Variants in ERAP1 observed in about 807,000 individuals in gnomAD.
ERAP1 encodes endoplasmic reticulum aminopeptidase 1.
A neutral mutation model predicts 103.7 loss-of-function variants in ERAP1; 86 were observed. The ratio of observed to expected loss-of-function variants is 0.83; its 90% CI spans 0.70 to 0.99. The LOEUF (loss-of-function observed/expected upper bound fraction) is 0.99. Among genes scored for constraint, ERAP1 ranks in the 50% least tolerant of loss-of-function variants. The probability of loss-of-function intolerance (pLI) is 0.00; values close to 1 mark genes in which losing one functional copy is unlikely to be tolerated. For synonymous variants in ERAP1, 398 were observed against 402.4 expected, an observed-to-expected ratio of 0.99 and a Z score of 0.13; for missense variants, 1,009 against 1,128.4, an observed-to-expected ratio of 0.89 and a Z score of 1.52.
the ERAP1 span, among the ~76,000 whole-genome samples, chr5:96,887,003 G>A: frequency 3.3e-5 from 5 of 149,976 alleles, no homozygotes; most frequent in African/African-American, 4.9e-5. Context: ...TTTTCTATAT[G>A]TATGTCAGCA....
intron 8 of ERAP1, 67 bp from the exon 9 acceptor site, chr5:96,790,710 C>T: frequency 6.9e-7 from 1 of 1,445,302 alleles, no homozygotes; most frequent in East Asian, 2.3e-5. Flanking sequence ...ATCACATATT[C>T]TTTTGCAATA....
the ERAP1 span, chr5:96,909,806 T>C: frequency 2.5e-6 from 4 of 1,590,048 alleles, no homozygotes; most frequent in Non-Finnish European, 3.4e-6. Context: ...CTTTTCTCTT[T>C]GATGTAAAAG....
At chr5:96,896,023 T>G in the ERAP1 span, among the ~76,000 whole-genome samples, 2 of 152,316 alleles carry the variant, frequency 1.3e-5, no homozygotes, top group South Asian at 4.1e-4. Flanking sequence ...ATATACCATA[T>G]CTCCCTTGCA....
the ERAP1 span, among the ~76,000 whole-genome samples, chr5:96,854,829 A>G: frequency 6.6e-6 from 1 of 152,214 alleles, no homozygotes; most frequent in African/African-American, 2.4e-5. Context: ...CTTCTATAGA[A>G]AGAAGTTTAA....
chr5:96,801,334 T>G (rs1443431389), intron 2 of ERAP1, among the ~76,000 whole-genome samples: 2 of 151,926 alleles, frequency 1.3e-5, no homozygotes, highest in East Asian at 1.9e-4. Flanking sequence ...GGTGCAGGCC[T>G]GTAGTCCCAG....
the ERAP1 span, among the ~76,000 whole-genome samples, chr5:96,891,539 C>T: frequency 0.51 from 57,534 of 113,866 alleles, 12,406 homozygotes; most frequent in Middle Eastern, 0.62. Context: ...TATATATACA[C>T]ACACACACAC....
intron 19 of ERAP1, among the ~76,000 whole-genome samples, chr5:96,767,120 A>G (rs1770286070): frequency 6.6e-6 from 1 of 152,238 alleles, no homozygotes. Flanking sequence ...GTAAAAACAC[A>G]AGTAACTTTT....
chr5:96,770,599 A>G, downstream of ERAP1: 1 of 1,607,570 alleles, frequency 6.2e-7, no homozygotes, highest in South Asian at 1.1e-5. Context: ...AGGATTCAGC[A>G]AAGGTAAATG....
At chr5:96,883,889 C>T in the ERAP1 span, 77 of 1,613,450 alleles carry the variant, frequency 4.8e-5, 1 homozygote, top group African/African-American at 6.4e-4. Context: ...AATCAAGATA[C>T]GAAGAGAGAG....
the ERAP1 span, among the ~76,000 whole-genome samples, chr5:96,857,817 C>A: frequency 6.6e-6 from 1 of 152,128 alleles, no homozygotes; most frequent in African/African-American, 2.4e-5. Context: ...GGTGAGAAAA[C>A]CTGTTTTGTA....
At chr5:96,850,776 T>A in the ERAP1 span, among the ~76,000 whole-genome samples, 3 of 152,086 alleles carry the variant, frequency 2.0e-5, no homozygotes, top group Admixed American at 1.3e-4. Context: ...AAATAACTTT[T>A]AAAAAAAGAT....
the ERAP1 span, chr5:96,879,996 C>A: frequency 6.2e-7 from 1 of 1,614,072 alleles, no homozygotes; most frequent in Non-Finnish European, 8.5e-7. Context: ...GTCAGCAATG[C>A]TACCCAGTTT....
At chr5:96,783,834 CACACACACACACACACACACAT>C (rs1479481106) in intron 14 of ERAP1, 68 bp downstream of exon 14, 216 of 433,924 alleles carry the variant, frequency 5.0e-4, no homozygotes, top group African/African-American at 1.9e-3. Context: ...CACACACACA[CACACACACACACACACACACAT>C]ACACACACAA....
chr5:96,920,959 T>C, the ERAP1 span, among the ~76,000 whole-genome samples: 1 of 152,258 alleles, frequency 6.6e-6, no homozygotes, highest in African/African-American at 2.4e-5. Context: ...TTCTTATTCA[T>C]ACATTCTGTA....
At position 96,782,368 on chromosome 5, in the gene ERAP1, CCTT is replaced by C. The variant is rs1225482490; in HGVS notation, c.2286-517_2286-515del. ...ATATCTAAAATTAGGTTTTAAGTAG[CCTT>C]CTCAAAAATGTGAAATGCCATTTTT... is the stretch of plus-strand genomic sequence containing the variant. On this transcript the variant is annotated intron_variant, in intron 15 of 18. Transcript: ENST00000443439. Among the ~76,000 whole-genome samples the C allele has an allele frequency of 1.3e-5, 2 of 152,144 alleles. 1 individual carries two copies. The highest frequency in any genetic ancestry group is 3.8e-4 in the East Asian group (2 of 5,198).
At chr5:96,768,365 T>G (rs769527218) in intron 19 of ERAP1, 2 of 453,474 alleles carry the variant, frequency 4.4e-6, no homozygotes, top group South Asian at 3.2e-5. Context: ...ATTACAGGCT[T>G]GAGCCACTGC....
chr5:96,786,771 A>G (rs1214272207), intron 11 of ERAP1: 1 of 522,036 alleles, frequency 1.9e-6, no homozygotes, highest in Non-Finnish European at 3.5e-6. Flanking sequence ...AGAGCTAAGA[A>G]TTTGGACTCA....
intron 3 of ERAP1, among the ~76,000 whole-genome samples, chr5:96,800,603 T>C (rs528079820): frequency 1.3e-5 from 2 of 152,356 alleles, no homozygotes; most frequent in African/African-American, 4.8e-5. Flanking sequence ...GAATTTCTTA[T>C]ACCACTTCCC....
the ERAP1 span, among the ~76,000 whole-genome samples, chr5:96,930,601 C>T: frequency 6.6e-6 from 1 of 152,132 alleles, no homozygotes; most frequent in African/African-American, 2.4e-5. Flanking sequence ...AATAACTTTC[C>T]AAATTTGTGA....
Sources: gnomAD v4.1 joint callset for allele counts (sites outside exome capture counted in the v4.1 genomes callset) on GRCh38, gnomAD v4.1.1 for gene constraint, MANE v1.5 for transcripts, NCBI Gene and HGNC (gene_info 2026-07-23, HGNC 2026-07-21) for gene names.